Variants in DTNA observed in about 807,000 individuals in gnomAD.
The protein encoded by DTNA is dystrophin-related protein 3.
DTNA carries 43 observed loss-of-function variants against 100.7 expected under a neutral mutation model. The ratio of observed to expected loss-of-function variants is 0.43; its 90% confidence interval spans 0.33 to 0.55. DTNA has a LOEUF of 0.55. Ranked by LOEUF, DTNA falls within the 20% of genes least tolerant of loss-of-function variation. The pLI, the probability that DTNA is intolerant of heterozygous loss-of-function variation, is 0.04. For missense variants in DTNA, 798 were observed against 953.9 expected (o/e 0.84, Z 2.15); for synonymous variants, 349 against 347.9 (o/e 1.00, Z -0.04).
intron 1 of DTNA, chr18:34,494,090 G>C (rs538494381): frequency 1.1e-3 from 172 of 151,964 alleles, no homozygotes; most frequent in African/African-American, 3.1e-3. Flanking sequence ...GCGCCGCTCG[G>C]GGGGTGGCTA....
chr18:34,764,430 A>G (rs1463115077), intron 2 of DTNA, among the ~76,000 whole-genome samples: 1 of 152,228 alleles, frequency 6.6e-6, no homozygotes, highest in Non-Finnish European at 1.5e-5. Context: ...GCCATTGGCT[A>G]AATGTTCATC....
At chr18:34,815,476 A>T (rs1460957320) in intron 6 of DTNA, 1 of 216,058 alleles carries the variant, frequency 4.6e-6, no homozygotes, top group Non-Finnish European at 9.3e-6. Flanking sequence ...GTACTTAAGG[A>T]AGTTGAGGAA....
intron 2 of DTNA, among the ~76,000 whole-genome samples, chr18:34,763,667 G>A (rs1005206250): frequency 3.3e-5 from 5 of 152,096 alleles, no homozygotes; most frequent in African/African-American, 7.2e-5. Context: ...TTCTATACAG[G>A]TAAAGCAATA....
At chr18:34,766,578 C>T (rs1054035869) in intron 3 of DTNA, among the ~76,000 whole-genome samples, 21 of 151,934 alleles carry the variant, frequency 1.4e-4, no homozygotes, top group South Asian at 2.1e-4. Context: ...ATGTAAATGA[C>T]GAGTTAATGG....
chr18:34,637,843 A>T (rs2730122), intron 1 of DTNA, among the ~76,000 whole-genome samples: 1 of 152,150 alleles, frequency 6.6e-6, no homozygotes, highest in Non-Finnish European at 1.5e-5. Flanking sequence ...AATAAGGCCA[A>T]TTAGCTGGGT....
At chr18:34,725,126 C>G (rs2086308280) in intron 1 of DTNA, among the ~76,000 whole-genome samples, 1 of 152,068 alleles carries the variant, frequency 6.6e-6, no homozygotes, top group African/African-American at 2.4e-5. Context: ...AACCTAAGAC[C>G]TAAAGCCATA....
chr18:34,698,502 T>C (rs1007612301), intron 1 of DTNA, among the ~76,000 whole-genome samples: 2 of 152,212 alleles, frequency 1.3e-5, no homozygotes, highest in African/African-American at 4.8e-5. Flanking sequence ...CCCGTTTGTA[T>C]GTCTCTTTTT....
rs28715849 is a variant in DTNA, at chr18:34,585,377, G to A, written c.-2+91863G>A. Among the ~76,000 whole-genome samples, 323 of 152,244 alleles carry A rather than the reference G, an allele frequency of 2.1e-3. 1 individual carries two copies. The highest frequency in any genetic ancestry group is 7.4e-3 in the African/African-American group (306 of 41,540). ...AAAATTAAGAAAACAAAAATATGATGCAACTAATATCAGGAAAAAGAAGAA... is the reference window on the plus strand; with the variant it reads ...AAAATTAAGAAAACAAAAATATGATACAACTAATATCAGGAAAAAGAAGAA... On this transcript the variant is annotated intron_variant, in intron 1 of 19. Transcript: ENST00000283365.
intron 3 of DTNA, among the ~76,000 whole-genome samples, chr18:34,783,226 T>C (rs1180724938): frequency 2.6e-5 from 4 of 152,246 alleles, no homozygotes; most frequent in Non-Finnish European, 5.9e-5. Context: ...ATTTAATTTA[T>C]AGTGTGACAG....
At chr18:34,750,266 T>A (rs1334841542) in intron 1 of DTNA, among the ~76,000 whole-genome samples, 1 of 152,214 alleles carries the variant, frequency 6.6e-6, no homozygotes, top group Non-Finnish European at 1.5e-5. Context: ...TGTGTTTCTA[T>A]GTGTCTGGTT....
intron 4 of DTNA, among the ~76,000 whole-genome samples, chr18:34,801,693 T>C (rs1277474716): frequency 6.6e-6 from 1 of 151,900 alleles, no homozygotes; most frequent in Non-Finnish European, 1.5e-5. Flanking sequence ...TGTATTTTAG[T>C]AGAGACGGGT....
At chr18:34,867,839 T>A (rs771080873) in intron 17 of DTNA, 3 of 985,488 alleles carry the variant, frequency 3.0e-6, no homozygotes, top group Non-Finnish European at 3.6e-6. Context: ...ACCAAGCCCC[T>A]CAGCAGCTTC....
intron 1 of DTNA, among the ~76,000 whole-genome samples, chr18:34,601,018 A>G (rs1567988124): frequency 6.6e-6 from 1 of 152,212 alleles, no homozygotes; most frequent in South Asian, 2.1e-4. Context: ...CCATTGGCCT[A>G]GAACAGGTGA....
chr18:34,695,320 C>T (rs896270836), intron 1 of DTNA, among the ~76,000 whole-genome samples: 7 of 152,112 alleles, frequency 4.6e-5, no homozygotes, highest in African/African-American at 1.7e-4. Flanking sequence ...TATTATTAAT[C>T]CACCTCCTGA....
chr18:34,790,247 A>C (rs2094658990), intron 3 of DTNA, among the ~76,000 whole-genome samples: 1 of 152,258 alleles, frequency 6.6e-6, no homozygotes, highest in South Asian at 2.1e-4. Flanking sequence ...GCCACATGCA[A>C]CGCAGAATGG....
At chr18:34,868,800 T>A (rs1211542699) in intron 17 of DTNA, 1 of 980,144 alleles carries the variant, frequency 1.0e-6, no homozygotes, top group African/African-American at 1.8e-5. Flanking sequence ...AATTTTTTTT[T>A]ACAAAACTTG....
chr18:34,642,090 G>T (rs1370112280), intron 1 of DTNA, among the ~76,000 whole-genome samples: 2 of 152,152 alleles, frequency 1.3e-5, no homozygotes, highest in Non-Finnish European at 2.9e-5. Context: ...TGGATATGAG[G>T]TACTGCTACA....
intron 1 of DTNA, among the ~76,000 whole-genome samples, chr18:34,676,256 G>T (rs1225568703): frequency 6.6e-6 from 1 of 152,018 alleles, no homozygotes; most frequent in East Asian, 1.9e-4. Context: ...CAATTTGAGG[G>T]GGTCCTCTTA....
intron 1 of DTNA, chr18:34,683,625 A>G (rs954669735): frequency 2.6e-5 from 4 of 152,164 alleles, no homozygotes; most frequent in African/African-American, 9.7e-5. Context: ...ATCCTTTCAG[A>G]CAATGCGCAA....
Sources: gnomAD v4.1 joint callset for allele counts (sites outside exome capture counted in the v4.1 genomes callset) on GRCh38, gnomAD v4.1.1 for gene constraint, MANE v1.5 for transcripts, NCBI Gene and HGNC (gene_info 2026-07-23, HGNC 2026-07-21) for gene names.